The following PIGO variants were observed in gnomAD, a reference collection of about 807,000 sequenced individuals.
PIGO encodes the protein phosphatidylinositol glycan anchor biosynthesis class O, also known as GPI ethanolamine phosphate transferase 3, catalytic subunit.
A neutral mutation model predicts 86.9 loss-of-function variants in PIGO; 66 were observed. The ratio of observed to expected loss-of-function variants is 0.76; its 90% CI spans 0.62 to 0.93. The LOEUF (loss-of-function observed/expected upper bound fraction) is 0.93, where lower values mean the gene tolerates loss of function less well. PIGO is among the 40% of genes least tolerant of loss of function. The probability of loss-of-function intolerance (pLI) is 0.00; values close to 1 mark genes in which losing one functional copy is unlikely to be tolerated. For synonymous variants in PIGO, 570 were observed against 556.4 expected, an observed-to-expected ratio of 1.02 and a Z score of -0.34; for missense variants, 1,202 against 1,359.1, an observed-to-expected ratio of 0.88 and a Z score of 1.82.
rs1829315797 is a variant in PIGO, at chr9:35,089,423, T to C, written c.3097A>G (p.Ile1033Val). Residue 1033 changes from isoleucine to valine, a missense_variant, in exon 10 of 11, where the codon ATC becomes GTC. Transcript: ENST00000378617. ...CAGACCATGAGATGCCTGCGAAGGA[T>C]GGAGGCTGCCAAGGCACAGGCCAGA... ...QILACALAAS[I>V]LRRHLMVWKV... 6.2e-7 allele frequency: 1 copy of C among 1,614,046 alleles called. No homozygotes were observed. Among genetic ancestry groups the C allele is most frequent in the African/African-American group, 1.3e-5 (1 of 74,920 alleles).
intron 2 of PIGO, 60 bp from the exon 3 acceptor site, chr9:35,094,419 G>C: frequency 1.9e-6 from 3 of 1,559,046 alleles, no homozygotes; most frequent in Non-Finnish European, 2.6e-6. Flanking sequence ...GGAGAAAAGA[G>C]GAAAAGAGGC....
rs1587163883 is a variant in PIGO, at chr9:35,091,736, G to A, written c.2151C>T (p.Ala717=). 1.2e-6 allele frequency: 2 copies of A among 1,611,980 alleles called. No individual in the cohort carries two copies. The highest frequency in any genetic ancestry group is 1.1e-5 in the South Asian group (1 of 91,080). ...GLPLMALGTA[A]YWALASGADE... ...CTGCCCCCGACGCCAATGCCCAGTAGGCAGCAGTACCCAATGCCATTAGGG... is the reference window on the plus strand; with the variant it reads ...CTGCCCCCGACGCCAATGCCCAGTAAGCAGCAGTACCCAATGCCATTAGGG... Residue 717 remains alanine (A), a synonymous_variant, in exon 7 of 11, where the codon GCC becomes GCT. Transcript: ENST00000378617.
chr9:35,091,467 T>A lies in PIGO; in HGVS notation c.2420A>T (p.Glu807Val). ...VPQIYRHMQE[E>V]FRGRLERTKS... ...GGTCCTCTCTAACCGGCCCCGGAAC[T>A]CCTCCTGCATGTGTCGGTAGATTTG... The change falls in exon 7 of 11, where the codon GAG becomes GTG. Residue 807 changes from glutamate (E) to valine (V), a missense_variant. Transcript: ENST00000378617. The A allele has an allele frequency of 6.2e-7, 1 of 1,614,090 alleles. No homozygotes were observed. The highest frequency in any genetic ancestry group is 1.1e-5 in the South Asian group (1 of 91,074).
Position 35,095,118 on chromosome 9 carries a change from C to T in PIGO, c.448G>A (p.Gly150Ser), listed in dbSNP as rs774734630. Residue 150 changes from glycine to serine, a missense_variant, in exon 2 of 11, where the codon GGT becomes AGT. By Grantham distance (56) the Gly-to-Ser change is moderately conservative (BLOSUM62 0). Coordinates refer to ENST00000378617, the MANE Select transcript of PIGO (RefSeq NM_032634.4). ...ATGGCGTGGCTGGCGAAGTTACTAC[C>T]AGCATCAATAAAGGTAGGCAGTGAG... ...TGSLPTFIDAGSNFASHAIVE... is the reference protein window; with the variant it reads ...TGSLPTFIDASSNFASHAIVE... 1.4e-5 allele frequency: 22 copies of T among 1,613,784 alleles called. No individual in the cohort carries two copies. In the Admixed American group the frequency reaches 3.7e-4, roughly 27 times the overall value.
intron 5 of PIGO, 72 bp from the exon 6 acceptor site, chr9:35,093,281 G>A (rs1298555098): frequency 6.4e-7 from 1 of 1,574,636 alleles, no homozygotes; most frequent in Non-Finnish European, 8.7e-7. Flanking sequence ...GCAGACATAG[G>A]GGCCTAGGTA....
In PIGO at chr9:35,094,008, C is replaced by T. The variant is rs760792660; in HGVS notation, c.672G>A (p.Trp224Ter). Residue 224 changes from tryptophan to a stop codon, truncating the protein, a stop_gained, in exon 4 of 11, where the codon TGG becomes TGA. Transcript: ENST00000378617. LOFTEE classifies it high-confidence loss of function. Reference protein sequence around the residue: ...HLYPTMDSGEWDVLIAHFLGV... With the variant: ...HLYPTMDSGE ...CCAGGAAGTGAGCAATCAGCACGTC[C>T]CATTCACCACTGTCCACTGTGAAGG... 2 of 1,614,014 alleles carry T rather than the reference C, an allele frequency of 1.2e-6. No individual in the cohort carries two copies. Among genetic ancestry groups the T allele is most frequent in the Non-Finnish European group, 1.7e-6 (2 of 1,179,958 alleles).
rs1563997434 is a variant in PIGO, at chr9:35,092,207, G to C, written c.1680C>G (p.Phe560Leu). 1.2e-6 allele frequency: 2 copies of C among 1,614,132 alleles called. No homozygotes were observed. The highest frequency in any genetic ancestry group is 1.7e-6 in the Non-Finnish European group (2 of 1,180,060). Residue 560 changes from phenylalanine (F) to leucine (L), a missense_variant, in exon 7 of 11, where the codon TTC becomes TTG. Physicochemically the swap from Phe to Leu is conservative, Grantham distance 22 (BLOSUM62 0). Transcript: ENST00000378617. ...CAGCTACAACAAAACTATCAGAGAAGAACACAGCCAAGCGAAACAGCAGGA... is the reference window on the plus strand; with the variant it reads ...CAGCTACAACAAAACTATCAGAGAACAACACAGCCAAGCGAAACAGCAGGA... ...LLLLLFRLAV[F>L]FSDSFVVAEA...
chr9:35,093,484 C>T lies in PIGO; in HGVS notation c.876G>A (p.Leu292=), dbSNP rs146908736. The change falls in exon 5 of 11, where the codon CTG becomes CTA. Residue 292 remains leucine, a synonymous_variant. Transcript: ENST00000378617. ...ACAGAAAGAGAGCAGCTGAGACCTCCAGCTCACTGTCCCCTCCATGGTCTC... is the reference window on the plus strand; with the variant it reads ...ACAGAAAGAGAGCAGCTGAGACCTCTAGCTCACTGTCCCCTCCATGGTCTC... ...TNGDHGGDSE[L]EVSAALFLYS... The T allele has an allele frequency of 1.1e-4, 175 of 1,614,154 alleles. 1 individual carries two copies. The highest frequency in any genetic ancestry group is 1.7e-4 in the Middle Eastern group (1 of 6,048).
intron 4 of PIGO, 30 bp downstream of exon 4, chr9:35,093,865 ACAAACC>A (rs1166215987): frequency 6.2e-7 from 1 of 1,607,838 alleles, no homozygotes; most frequent in African/African-American, 1.3e-5. Context: ...ATTCTCAGAC[ACAAACC>A]CACTCCCCCA....
rs1278622224 is a variant in PIGO at position 35,096,474 on chromosome 9, T to G, written c.-321A>C. On this transcript the variant is annotated 5_prime_UTR_variant, in exon 1 of 11. Coordinates refer to ENST00000378617, the MANE Select transcript of PIGO (RefSeq NM_032634.4). The stretch of plus-strand genomic sequence containing the variant: ...CTAGCCGCGGTACTGAGCACCTTGG[T>G]TAGGAGCTGAGGGGAAGAGGGAGAC... The G allele has an allele frequency of 6.6e-6, 1 of 152,200 alleles. No individual in the cohort carries two copies. Among genetic ancestry groups the G allele is most frequent in the African/African-American group, 2.4e-5 (1 of 41,430 alleles). The allele number at this position is 152,200 out of a possible 1,614,324, so 9.4% of individuals were successfully genotyped here.
At position 35,093,196 on chromosome 9, in the gene PIGO, A is replaced by G; in HGVS notation, c.953T>C (p.Ile318Thr). 6.2e-7 allele frequency: 1 copy of G among 1,612,432 alleles called. No individual in the cohort carries two copies. Among genetic ancestry groups the G allele is most frequent in the East Asian group, 2.2e-5 (1 of 44,810 alleles). Residue 318 changes from isoleucine (I) to threonine (T), a missense_variant, in exon 6 of 11, where the codon ATT (isoleucine) becomes ACT (threonine). By Grantham distance (89) the Ile-to-Thr change is moderately conservative. Transcript: ENST00000378617. ...CGTGGGCACAAGGCTAACTTGAGGAATCACCTCTGGCTCCTAAAGGAAAAT... is the reference window on the plus strand; with the variant it reads ...CGTGGGCACAAGGCTAACTTGAGGAGTCACCTCTGGCTCCTAAAGGAAAAT... ...PSTPPEEPEV[I>T]PQVSLVPTLA...
chr9:35,090,581 T>C lies in PIGO; in HGVS notation c.2739A>G (p.Pro913=), dbSNP rs891081457. 4 of 1,614,044 alleles carry C rather than the reference T, an allele frequency of 2.5e-6. No homozygotes were observed. The highest frequency in any genetic ancestry group is 2.5e-6 in the Non-Finnish European group (3 of 1,180,040). Residue 913 remains proline (P), a synonymous_variant, in exon 8 of 11, where the codon CCA becomes CCG. Transcript: ENST00000378617. ...FYSTGHQPVF[P]AIHWHAAFVG... ...CGAAGGCTGCATGCCAATGGATGGC[T>C]GGAAAGACAGGCTGGTGGCCTGTGG... is the stretch of plus-strand genomic sequence containing the variant.
chr9:35,089,985 C>A, intron 9 of PIGO, 81 bp downstream of exon 9: 1 of 1,528,328 alleles, frequency 6.5e-7, no homozygotes, highest in Non-Finnish European at 8.9e-7. Context: ...AGGCTCTCTC[C>A]CACGGTTTTG....
At chr9:35,092,892 G>T in intron 6 of PIGO, 125 bp from the exon 7 acceptor site, 1 of 1,371,074 alleles carries the variant, frequency 7.3e-7, no homozygotes, top group East Asian at 2.4e-5. Context: ...TCCAGAATCG[G>T]GGAAGGGAGG....
At position 35,089,185 on chromosome 9, in the gene PIGO, G is replaced by A. The variant is rs771261979; in HGVS notation, c.3177C>T (p.Ser1059=). The A allele has an allele frequency of 1.1e-5, 17 of 1,614,038 alleles. No individual in the cohort carries two copies. The highest frequency in any genetic ancestry group is 1.6e-4 in the Middle Eastern group (1 of 6,084). ...AAGCTATGCCCAGGAGAAGTCCCACGCTGCTCACAATGAAGCCCACAGCCT... is the reference window on the plus strand; with the variant it reads ...AAGCTATGCCCAGGAGAAGTCCCACACTGCTCACAATGAAGCCCACAGCCT... ...IFEAVGFIVS[S]VGLLLGIALV... The change falls in exon 11 of 11, where the codon AGC becomes AGT. Residue 1059 remains serine, a synonymous_variant. Transcript: ENST00000378617.
At chr9:35,094,157 CT>C in intron 3 of PIGO, 58 bp downstream of exon 3, 1 of 1,560,374 alleles carries the variant, frequency 6.4e-7, no homozygotes, top group Non-Finnish European at 8.6e-7. Context: ...AATTTGTGGA[CT>C]AAAGCAGTTC....
In PIGO at chr9:35,095,527, G is replaced by A; in HGVS notation, c.39C>T (p.Val13=). ...KASVLLFLAW[V]CFLFYAGIAL... ...CAATGCCAGCGTAGAAGAGGAAGCA[G>A]ACCCAGGCCAGGAAGAGCAACACTG... Residue 13 remains valine (V), a synonymous_variant, in exon 2 of 11, where the codon GTC becomes GTT. Coordinates refer to ENST00000378617, the MANE Select transcript of PIGO (RefSeq NM_032634.4). 2 of 1,601,216 alleles carry A rather than the reference G, an allele frequency of 1.2e-6. No individual in the cohort carries two copies. The highest frequency in any genetic ancestry group is 1.7e-6 in the Non-Finnish European group (2 of 1,173,152).
rs771748735 is a variant in PIGO at position 35,091,821 on chromosome 9, C to T, written c.2066G>A (p.Arg689His). The T allele has an allele frequency of 3.7e-6, 6 of 1,613,562 alleles. No individual in the cohort carries two copies. In the African/African-American group the frequency reaches 4.0e-5, roughly 11 times the overall value. Residue 689 changes from arginine (R) to histidine (H), a missense_variant, in exon 7 of 11, where the codon CGC (arginine) becomes CAC (histidine). Transcript: ENST00000378617. The stretch of plus-strand genomic sequence containing the variant: ...GGGGCTCTTGAGATTACCATAGCGG[C>T]GAAGCCACAAGCGCACGGCAGCTAA... ...ALLAAVRLWL[R>H]RYGNLKSPEP...
intron 3 of PIGO, 44 bp downstream of exon 3, chr9:35,094,172 C>A (rs528710134): frequency 6.4e-7 from 1 of 1,567,414 alleles, no homozygotes; most frequent in Non-Finnish European, 8.6e-7. Context: ...GCAGTTCTCC[C>A]CAGCTCCCAG....
Sources: gnomAD v4.1 joint callset for allele counts on GRCh38, gnomAD v4.1.1 for gene constraint, MANE v1.5 for transcripts, NCBI Gene and HGNC (gene_info 2026-07-23, HGNC 2026-07-21) for gene names.